The following LARS2 variants were observed in gnomAD, a reference collection of about 807,000 sequenced individuals.
LARS2 encodes leucyl-tRNA synthetase 2, mitochondrial.
Under a neutral mutation model 116.6 loss-of-function variants are expected in LARS2, and 81 were observed. That is an observed-to-expected ratio of 0.69 (90% CI 0.58 to 0.84). The LOEUF (loss-of-function observed/expected upper bound fraction) is 0.84, where lower values mean the gene tolerates loss of function less well. Among genes scored for constraint, LARS2 ranks in the 40% least tolerant of loss-of-function variants. The probability of loss-of-function intolerance (pLI) is 0.00; values close to 1 mark genes in which losing one functional copy is unlikely to be tolerated. For synonymous variants in LARS2, 396 were observed against 407.2 expected (o/e 0.97, Z 0.33); for missense variants, 968 against 1,114.5 (o/e 0.87, Z 1.87).
chr3:45,398,148 A>C (rs1304568816), intron 3 of LARS2, among the ~76,000 whole-genome samples: 5 of 151,736 alleles, frequency 3.3e-5, no homozygotes, highest in African/African-American at 1.2e-4. Flanking sequence ...GCAGCTTAAC[A>C]CTCCTTGGTA....
At chr3:45,403,979 CATA>C (rs1165632718) in intron 4 of LARS2, among the ~76,000 whole-genome samples, 1 of 152,170 alleles carries the variant, frequency 6.6e-6, no homozygotes, top group Non-Finnish European at 1.5e-5. Flanking sequence ...GTATCTGGCA[CATA>C]ATAATCCCAT....
Position 45,500,427 on chromosome 3 carries a change from ATC to A in LARS2, c.1623-11_1623-10del. 1 of 1,595,460 alleles carries A rather than the reference ATC, an allele frequency of 6.3e-7. No individual in the cohort carries two copies. The highest frequency in any genetic ancestry group is 8.5e-7 in the Non-Finnish European group (1 of 1,174,450). On this transcript the variant is annotated splice_polypyrimidine_tract_variant and intron_variant, in intron 14 of 21. Coordinates refer to ENST00000645846, the MANE Select transcript of LARS2 (RefSeq NM_015340.4). Reference sequence around the variant, plus strand: ...AAAGCAGGTTTTTAAAAATGCCTCCATCTCTTTTTTACAGCCCTTTTAACACA... The same window carrying A: ...AAAGCAGGTTTTTAAAAATGCCTCCATCTTTTTTACAGCCCTTTTAACACA...
rs192626950 is a variant in LARS2, at chr3:45,500,557, G to C, written c.1738G>C (p.Asp580His). 2 of 1,563,784 alleles carry C rather than the reference G, an allele frequency of 1.3e-6. No homozygotes were observed. The highest frequency in any genetic ancestry group is 1.7e-6 in the Non-Finnish European group (2 of 1,162,896). Residue 580 changes from aspartate to histidine, a missense_variant, in exon 15 of 22, where the codon GAT becomes CAT. By Grantham distance (81) the Asp-to-His change is moderately conservative (BLOSUM62 -1). Transcript: ENST00000645846. ...YARFFSHFCH[D>H]QKMVKHREPF... ...AAGATTCTTTAGTCATTTTTGCCAT[G>C]ATCAAAAAATGGTTAAACATAGGTA...
intron 21 of LARS2, among the ~76,000 whole-genome samples, chr3:45,544,095 C>G (rs1205702327): frequency 6.6e-6 from 1 of 152,246 alleles, no homozygotes; most frequent in Non-Finnish European, 1.5e-5. Flanking sequence ...GGTTCTCGCT[C>G]CATGTGATCT....
At chr3:45,487,321 C>T (rs764761721) in intron 11 of LARS2, among the ~76,000 whole-genome samples, 4 of 152,198 alleles carry the variant, frequency 2.6e-5, no homozygotes, top group African/African-American at 7.2e-5. Context: ...ATTTATTCAA[C>T]GCATTAGATG....
At chr3:45,454,883 G>A (rs754818111) in intron 7 of LARS2, among the ~76,000 whole-genome samples, 1 of 152,108 alleles carries the variant, frequency 6.6e-6, no homozygotes, top group African/African-American at 2.4e-5. Flanking sequence ...GGGCTTCAAG[G>A]GGTTGCAGGT....
chr3:45,430,321 C>T (rs543315247), intron 6 of LARS2, among the ~76,000 whole-genome samples: 11 of 147,326 alleles, frequency 7.5e-5, no homozygotes, highest in Non-Finnish European at 1.3e-4. Context: ...CTCTGTCGCC[C>T]AGGCTGGAGT....
At chr3:45,405,069 G>A (rs1698212045) in intron 4 of LARS2, among the ~76,000 whole-genome samples, 1 of 151,892 alleles carries the variant, frequency 6.6e-6, no homozygotes, top group Non-Finnish European at 1.5e-5. Context: ...CTTCTCAGTG[G>A]CAGGGAAGGT....
At chr3:45,465,177 G>A (rs1307523598) in intron 8 of LARS2, among the ~76,000 whole-genome samples, 1 of 152,164 alleles carries the variant, frequency 6.6e-6, no homozygotes, top group Non-Finnish European at 1.5e-5. Flanking sequence ...CAGGGATCTG[G>A]TTTTGACTCC....
chr3:45,502,780 T>C (rs1700141615), intron 15 of LARS2, among the ~76,000 whole-genome samples: 1 of 152,124 alleles, frequency 6.6e-6, no homozygotes. Flanking sequence ...ACCCATTCTT[T>C]GAGTTTTTTT....
At chr3:45,493,243 G>A (rs1406127835) in intron 13 of LARS2, among the ~76,000 whole-genome samples, 1 of 152,164 alleles carries the variant, frequency 6.6e-6, no homozygotes, top group South Asian at 2.1e-4. Context: ...GGGACTACAG[G>A]TGCCCGCCAC....
In LARS2 at chr3:45,453,127, TTTTTCTTTC is replaced by T. The variant is rs1699160855; in HGVS notation, c.607-5602_607-5594del. On this transcript the variant is annotated intron_variant, in intron 7 of 21. Transcript: ENST00000645846. Reference sequence around the variant, plus strand: ...AACCAAGTTTTTTATTTTATTGGCCTTTTTCTTTCTTTTCTTTCTTTTTAGTCTCAATTT... The same window carrying T: ...AACCAAGTTTTTTATTTTATTGGCCTTTTTCTTTCTTTTTAGTCTCAATTT... Among the ~76,000 whole-genome samples, 7 of 152,252 alleles carry T rather than the reference TTTTTCTTTC, an allele frequency of 4.6e-5. No individual in the cohort carries two copies. The South Asian group carries it at 1.2e-3, about 27-fold the overall frequency.
At chr3:45,430,951 C>A (rs372435634) in intron 6 of LARS2, among the ~76,000 whole-genome samples, 17 of 152,234 alleles carry the variant, frequency 1.1e-4, no homozygotes, top group African/African-American at 4.1e-4. Context: ...TATTGAATCT[C>A]TAATCCCCAA....
At chr3:45,496,768 A>T (rs1161427206) in intron 14 of LARS2, among the ~76,000 whole-genome samples, 1 of 152,254 alleles carries the variant, frequency 6.6e-6, no homozygotes, top group Non-Finnish European at 1.5e-5. Flanking sequence ...GGAACACACC[A>T]GAGTGGGTCC....
At chr3:45,450,069 T>G (rs1699099259) in intron 7 of LARS2, among the ~76,000 whole-genome samples, 1 of 152,218 alleles carries the variant, frequency 6.6e-6, no homozygotes, top group Non-Finnish European at 1.5e-5. Flanking sequence ...TTAAAAAGTT[T>G]TATTCCATGG....
At chr3:45,514,487 C>T (rs2125751899) in intron 16 of LARS2, among the ~76,000 whole-genome samples, 1 of 152,288 alleles carries the variant, frequency 6.6e-6, no homozygotes, top group East Asian at 1.9e-4. Flanking sequence ...GCAGAACTGG[C>T]AGTGTCTCTC....
At chr3:45,538,109 T>C (rs890988130) in intron 20 of LARS2, among the ~76,000 whole-genome samples, 9 of 152,212 alleles carry the variant, frequency 5.9e-5, no homozygotes, top group Admixed American at 3.9e-4. Flanking sequence ...TTCCCTAAAA[T>C]GAGCAAGGAG....
At chr3:45,438,727 C>T (rs374908017) in intron 6 of LARS2, among the ~76,000 whole-genome samples, 1 of 151,544 alleles carries the variant, frequency 6.6e-6, no homozygotes, top group South Asian at 2.1e-4. Context: ...CCCAGCTACT[C>T]TGGAGGCTGA....
chr3:45,501,581 C>T (rs539638598), intron 15 of LARS2, among the ~76,000 whole-genome samples: 3 of 152,226 alleles, frequency 2.0e-5, no homozygotes, highest in Middle Eastern at 3.4e-3. Flanking sequence ...ATGTATCATA[C>T]CACCATTAAT....
Sources: gnomAD v4.1 joint callset for allele counts (sites outside exome capture counted in the v4.1 genomes callset) on GRCh38, gnomAD v4.1.1 for gene constraint, MANE v1.5 for transcripts, NCBI Gene and HGNC (gene_info 2026-07-23, HGNC 2026-07-21) for gene names.